Variants in NPNT observed in about 807,000 individuals in gnomAD.
NPNT encodes nephronectin, also known as preosteoblast EGF-like repeat protein with MAM domain.
NPNT carries 45 observed loss-of-function variants against 68.6 expected under a neutral mutation model. That is an observed-to-expected ratio of 0.66 (90% CI 0.52 to 0.84). The LOEUF (loss-of-function observed/expected upper bound fraction) is 0.84, where lower values mean the gene tolerates loss of function less well. Among genes scored for constraint, NPNT ranks in the 40% least tolerant of loss-of-function variants. The probability of loss-of-function intolerance (pLI) is 0.00; values close to 1 mark genes in which losing one functional copy is unlikely to be tolerated. For synonymous variants in NPNT, 233 were observed against 253.3 expected, an observed-to-expected ratio of 0.92 and a Z score of 0.76; for missense variants, 672 against 714.8, an observed-to-expected ratio of 0.94 and a Z score of 0.68.
At chr4:105,942,276 A>G in intron 7 of NPNT, 31 bp from the exon 8 acceptor site, 2 of 1,540,330 alleles carry the variant, frequency 1.3e-6, no homozygotes, top group Non-Finnish European at 1.8e-6. Context: ...AGGAATGGTT[A>G]CATACTGATT....
At chr4:105,942,820 A>T in intron 8 of NPNT, 118 bp downstream of exon 8, 1 of 942,486 alleles carries the variant, frequency 1.1e-6, no homozygotes, top group Non-Finnish European at 1.6e-6. Flanking sequence ...GTAAAGTCGT[A>T]TGTCCCTATT....
At position 105,940,626 on chromosome 4, in the gene NPNT, G is replaced by T; in HGVS notation, c.753G>T (p.Leu251=). ...AAGAAGGATACCAGGGTGATGGACT[G>T]ACTTGTGTGTGTGAGTAGCACTTGT... ...KCKEGYQGDG[L]TCVYIPKVMI... is the part of the protein sequence containing the mutation. Residue 251 remains leucine (L), a synonymous_variant, in exon 7 of 12, where the codon CTG becomes CTT. Coordinates refer to ENST00000379987, the MANE Select transcript of NPNT (RefSeq NM_001033047.3). 2 of 1,613,198 alleles carry T rather than the reference G, an allele frequency of 1.2e-6. No individual in the cohort carries two copies. The highest frequency in any genetic ancestry group is 2.2e-5 in the South Asian group (2 of 90,990).
chr4:105,916,250 C>T (rs1056807497), intron 2 of NPNT, among the ~76,000 whole-genome samples: 1 of 151,130 alleles, frequency 6.6e-6, no homozygotes, highest in East Asian at 1.9e-4. Flanking sequence ...GACATAGTCT[C>T]ATTCTGTCAC....
rs1359410402 is a variant in NPNT, at chr4:105,942,126, T to TGTGTGA, written c.764-181_764-180insGTGTGA. ...GTGTCTGTGTGTGTGTATATATATATATATATATATACACACATATATATT... is the reference window on the plus strand; with the variant it reads ...GTGTCTGTGTGTGTGTATATATATATGTGTGAATATATATATACACACATATATATT... On this transcript the variant is annotated intron_variant, in intron 7 of 11. Transcript: ENST00000379987. Among the ~76,000 whole-genome samples, 3 of 143,104 alleles carry TGTGTGA rather than the reference T, an allele frequency of 2.1e-5. No homozygotes were observed. In the East Asian group the frequency reaches 6.0e-4, roughly 29 times the overall value. 93.9% of individuals were successfully genotyped at this position (143,104 alleles called of 152,430 possible).
Position 105,971,097 on chromosome 4 carries a change from ATTTTT to A in NPNT, c.*2116_*2120del, listed in dbSNP as rs553757784. ...ATTTGTTCAATGGATGATGTTTCAG[ATTTTT>A]TTTTTTTTAAGAGATCCTTCAAGGA... On this transcript the variant is annotated 3_prime_UTR_variant, in exon 12 of 12. Transcript: ENST00000379987. 1 of 315,900 alleles carries A rather than the reference ATTTTT, an allele frequency of 3.2e-6. No homozygotes were observed. The highest frequency in any genetic ancestry group is 6.5e-6 in the Non-Finnish European group (1 of 154,922). The allele number at this position is 315,900 out of a possible 1,614,324, so 19.6% of individuals were successfully genotyped here.
At chr4:105,926,526 C>T (rs1728694455) in intron 2 of NPNT, among the ~76,000 whole-genome samples, 1 of 152,228 alleles carries the variant, frequency 6.6e-6, no homozygotes, top group South Asian at 2.1e-4. Flanking sequence ...CCAAAAATGT[C>T]TCCAGACATT....
At chr4:105,929,885 A>G (rs1474574751) in intron 3 of NPNT, among the ~76,000 whole-genome samples, 2 of 151,998 alleles carry the variant, frequency 1.3e-5, no homozygotes, top group African/African-American at 4.8e-5. Flanking sequence ...AAACCAGTTT[A>G]ACATGTACTT....
chr4:105,912,130 C>A, intron 2 of NPNT: 1 of 1,228,472 alleles, frequency 8.1e-7, no homozygotes, highest in Non-Finnish European at 1.2e-6. Flanking sequence ...ATACCCAAGT[C>A]CAGCCTCCTT....
chr4:105,956,415 G>A (rs1436157580), intron 8 of NPNT, among the ~76,000 whole-genome samples: 1 of 151,858 alleles, frequency 6.6e-6, no homozygotes, highest in Non-Finnish European at 1.5e-5. Flanking sequence ...GGCTCCCGGT[G>A]CCAGGAAACC....
chr4:105,898,095 G>A, intron 2 of NPNT, 94 bp downstream of exon 2: 1 of 827,708 alleles, frequency 1.2e-6, no homozygotes, highest in Non-Finnish European at 1.9e-6. Flanking sequence ...GTTCATTACT[G>A]AGCAAGGCTT....
At chr4:105,933,815 C>T (rs1729310081) in intron 3 of NPNT, among the ~76,000 whole-genome samples, 1 of 152,148 alleles carries the variant, frequency 6.6e-6, no homozygotes, top group Non-Finnish European at 1.5e-5. Flanking sequence ...CCCTCTCCTT[C>T]TCCCATCCAA....
chr4:105,909,254 A>G (rs771808729), intron 2 of NPNT, among the ~76,000 whole-genome samples: 5 of 152,182 alleles, frequency 3.3e-5, no homozygotes, highest in Non-Finnish European at 7.4e-5. Flanking sequence ...ACATGATTAT[A>G]GAAGTATTTT....
intron 2 of NPNT, among the ~76,000 whole-genome samples, chr4:105,920,856 G>A (rs1034769002): frequency 7.9e-5 from 12 of 151,976 alleles, no homozygotes; most frequent in Admixed American, 2.0e-4. Context: ...ATTGACATTC[G>A]TATTTGACTA....
At chr4:105,905,512 C>T (rs566283584) in intron 2 of NPNT, among the ~76,000 whole-genome samples, 12 of 152,152 alleles carry the variant, frequency 7.9e-5, no homozygotes, top group East Asian at 1.9e-4. Context: ...GAAGTACAAA[C>T]GGTTCTGTAT....
At chr4:105,966,853 G>A (rs1025095310) in intron 10 of NPNT, among the ~76,000 whole-genome samples, 3 of 152,238 alleles carry the variant, frequency 2.0e-5, no homozygotes, top group Middle Eastern at 3.4e-3. Flanking sequence ...TCATAAACTG[G>A]TGAGGGTCAC....
intron 11 of NPNT, 22 bp from the exon 12 acceptor site, chr4:105,968,873 G>C (rs768362648): frequency 7.0e-7 from 1 of 1,433,050 alleles, no homozygotes; most frequent in Non-Finnish European, 9.8e-7. Flanking sequence ...AGGCTTGACT[G>C]GTGTGTGCAT....
intron 10 of NPNT, among the ~76,000 whole-genome samples, chr4:105,963,932 T>C (rs534706534): frequency 6.6e-6 from 1 of 152,160 alleles, no homozygotes; most frequent in African/African-American, 2.4e-5. Flanking sequence ...CTCAGAGAGA[T>C]ATTTTTGGAT....
intron 2 of NPNT, among the ~76,000 whole-genome samples, chr4:105,910,593 C>G (rs1009396710): frequency 6.6e-6 from 1 of 152,074 alleles, no homozygotes; most frequent in Non-Finnish European, 1.5e-5. Flanking sequence ...CCTTATCCTT[C>G]AATAGAGGAT....
intron 2 of NPNT, among the ~76,000 whole-genome samples, chr4:105,907,215 C>T (rs1013189684): frequency 3.9e-5 from 6 of 152,076 alleles, no homozygotes; most frequent in Admixed American, 6.6e-5. Context: ...CTGGGGTGTG[C>T]GGAAGGGCTG....
Sources: allele counts gnomAD v4.1 joint callset (sites outside exome capture counted in the v4.1 genomes callset), GRCh38; gene constraint gnomAD v4.1.1; transcripts MANE v1.5; gene names NCBI Gene and HGNC (gene_info 2026-07-23, HGNC 2026-07-21).